HNRNPR: variants seen among roughly 807,000 people sequenced by gnomAD.
HNRNPR encodes heterogeneous nuclear ribonucleoprotein R.
HNRNPR carries 4 observed loss-of-function variants against 70.3 expected under a neutral mutation model. That is an observed-to-expected ratio of 0.06 (90% CI 0.03 to 0.13). HNRNPR has a LOEUF of 0.13. Among genes scored for constraint, HNRNPR ranks in the 10% least tolerant of loss-of-function variants. HNRNPR has a pLI of 1.00. For missense variants in HNRNPR, 423 were observed against 788.5 expected (o/e 0.54, Z 5.55); for synonymous variants, 241 against 267.6 (o/e 0.90, Z 0.97).
intron 2 of HNRNPR, 44 bp from the exon 3 acceptor site, chr1:23,338,652 G>A: frequency 3.3e-6 from 3 of 908,716 alleles, no homozygotes; most frequent in East Asian, 2.6e-5. Flanking sequence ...CAACAAAAGG[G>A]GTAATCTAAG....
At chr1:23,330,822 ACT>A (rs1485519315) in intron 5 of HNRNPR, among the ~76,000 whole-genome samples, 1 of 152,172 alleles carries the variant, frequency 6.6e-6, no homozygotes, top group African/African-American at 2.4e-5. Flanking sequence ...TCAGGCACTG[ACT>A]CTAACTTCAA....
chr1:23,314,411 TAAGCA>T (rs1645453457), intron 8 of HNRNPR, among the ~76,000 whole-genome samples: 2 of 152,040 alleles, frequency 1.3e-5, no homozygotes, highest in Admixed American at 6.6e-5. Context: ...AAAAATACTA[TAAGCA>T]AAGACAATAA....
At chr1:23,336,767 CAAAAAAAAA>C (rs34880516) in intron 4 of HNRNPR, among the ~76,000 whole-genome samples, 1 of 59,602 alleles carries the variant, frequency 1.7e-5, no homozygotes, top group African/African-American at 4.6e-5. Context: ...GACTCTGTCT[CAAAAAAAAA>C]AAAAAAAAAG....
At chr1:23,317,347 AC>A (rs1645584606) in intron 8 of HNRNPR, among the ~76,000 whole-genome samples, 1 of 152,112 alleles carries the variant, frequency 6.6e-6, no homozygotes, top group Non-Finnish European at 1.5e-5. Flanking sequence ...AGTCCCAGCT[AC>A]TTGGGAGGCT....
Position 23,308,310 on chromosome 1 carries a change from T to C in HNRNPR, c.*2144A>G, listed in dbSNP as rs1261403863. 15 of 152,200 alleles carry C rather than the reference T, an allele frequency of 9.9e-5. No individual in the cohort carries two copies. Among genetic ancestry groups the C allele is most frequent in the African/African-American group, 3.4e-4 (14 of 41,566 alleles). 9.4% of individuals were successfully genotyped at this position (152,200 alleles called of 1,614,324 possible). ...TTTGCGAGGGTTTGTTTTCTCAGAA[T>C]CATTTCTATCCCCATTCTTAGCATT... On this transcript the variant is annotated 3_prime_UTR_variant, in exon 11 of 11. Transcript: ENST00000302271.
chr1:23,327,995 C>CAAAAAAAAAAAAA (rs11345105), intron 5 of HNRNPR, among the ~76,000 whole-genome samples: 9 of 118,676 alleles, frequency 7.6e-5, no homozygotes, highest in Non-Finnish European at 1.4e-4. Flanking sequence ...GACTCTGTCT[C>CAAAAAAAAAAAAA]AAAAAAAAAA....
chr1:23,335,342 CAG>C (rs1646426489), intron 4 of HNRNPR, among the ~76,000 whole-genome samples: 1 of 152,234 alleles, frequency 6.6e-6, no homozygotes, highest in South Asian at 2.1e-4. Flanking sequence ...TTGACTGAAA[CAG>C]AGCCATAAAT....
Position 23,340,996 on chromosome 1 carries a change from C to T in HNRNPR, c.13G>A (p.Val5Met). The T allele has an allele frequency of 1.2e-6, 2 of 1,604,436 alleles. No individual in the cohort carries two copies. The highest frequency in any genetic ancestry group is 1.7e-6 in the Non-Finnish European group (2 of 1,177,124). The change falls in exon 2 of 11, where the codon GTG becomes ATG. Residue 5 changes from valine to methionine, a missense_variant. Physicochemically the swap from Val to Met is conservative, Grantham distance 21. Coordinates refer to ENST00000302271, the MANE Select transcript of HNRNPR (RefSeq NM_005826.5). The stretch of plus-strand genomic sequence containing the variant: ...TTTAACTGTACCGCATTACCATTCA[C>T]CTGATTAGCCATTTTATTATGCTGC... Reference protein sequence around the residue: MANQVNGNAVQLKEE... With the variant: MANQMNGNAVQLKEE...
At position 23,317,400 on chromosome 1, in the gene HNRNPR, G is replaced by A. The variant is rs928305220; in HGVS notation, c.1017+1083C>T. Among the ~76,000 whole-genome samples the A allele has an allele frequency of 2.6e-5, 4 of 152,142 alleles. No individual in the cohort carries two copies. The East Asian group carries it at 5.8e-4, about 22-fold the overall frequency. Reference sequence around the variant, plus strand: ...GTGAACCCAGGAGGCAGAGCTTGCCGTGAGTGGAGATCGCGCCACTGCACT... The same window carrying A: ...GTGAACCCAGGAGGCAGAGCTTGCCATGAGTGGAGATCGCGCCACTGCACT... On this transcript the variant is annotated intron_variant, in intron 8 of 10. Transcript: ENST00000302271.
rs1645209773 is a variant in HNRNPR at position 23,306,833 on chromosome 1, A to T, written c.*3621T>A. 6.6e-6 allele frequency: 1 copy of T among 152,200 alleles called. No individual in the cohort carries two copies. Among genetic ancestry groups the T allele is most frequent in the Admixed American group, 6.5e-5 (1 of 15,282 alleles). 9.4% of individuals were successfully genotyped at this position (152,200 alleles called of 1,614,324 possible). A position where few individuals can be genotyped will look rare whatever the true frequency, so the allele number is the denominator to read the frequency against. On this transcript the variant is annotated 3_prime_UTR_variant, in exon 11 of 11. Transcript: ENST00000302271. ...ACAAACTTCTAATATAAAAGTAAACATGTCTGGCTAATGGATTTGTTATTC... is the reference window on the plus strand; with the variant it reads ...ACAAACTTCTAATATAAAAGTAAACTTGTCTGGCTAATGGATTTGTTATTC...
rs1359175917 is a variant in HNRNPR at position 23,312,482 on chromosome 1, T to TACCAGTA, written c.1167+1070_1167+1071insTACTGGT. On this transcript the variant is annotated intron_variant, in intron 9 of 10. Transcript: ENST00000302271. Reference sequence around the variant, plus strand: ...AAAATTATTAGTTATCTGCATTCTATACCAGTGAAATTTCAGAAGCCACAA... The same window carrying TACCAGTA: ...AAAATTATTAGTTATCTGCATTCTATACCAGTAACCAGTGAAATTTCAGAAGCCACAA... 7.2e-5 allele frequency among the ~76,000 whole-genome samples: 11 copies of TACCAGTA among 152,192 alleles called. No homozygotes were observed. In the East Asian group the frequency reaches 2.1e-3, roughly 29 times the overall value.
At chr1:23,315,398 T>C (rs985977986) in intron 8 of HNRNPR, among the ~76,000 whole-genome samples, 2 of 152,082 alleles carry the variant, frequency 1.3e-5, no homozygotes, top group Admixed American at 6.5e-5. Flanking sequence ...CATAGTTTAG[T>C]TGGCAGTGTT....
intron 5 of HNRNPR, among the ~76,000 whole-genome samples, chr1:23,326,927 T>G (rs1053901142): frequency 6.6e-6 from 1 of 152,226 alleles, no homozygotes; most frequent in Non-Finnish European, 1.5e-5. Context: ...TCTTTATACC[T>G]TGAAATCTAT....
intron 2 of HNRNPR, among the ~76,000 whole-genome samples, chr1:23,339,280 G>A (rs185334478): frequency 4.9e-4 from 75 of 152,330 alleles, no homozygotes; most frequent in African/African-American, 1.7e-3. Flanking sequence ...GGCATTCTTT[G>A]TTCTTCTGAA....
Position 23,310,406 on chromosome 1 carries a change from C to T in HNRNPR, c.*48G>A. The T allele has an allele frequency of 6.6e-7, 1 of 1,509,220 alleles. No individual in the cohort carries two copies. Among genetic ancestry groups the T allele is most frequent in the South Asian group, 1.4e-5 (1 of 73,824 alleles). The allele number at this position is 1,509,220 out of a possible 1,614,324, so 93.5% of individuals were successfully genotyped here. On this transcript the variant is annotated 3_prime_UTR_variant, in exon 11 of 11. Coordinates refer to ENST00000302271, the MANE Select transcript of HNRNPR (RefSeq NM_005826.5). This position sits in a 1 kb window ranked among gnomAD's most constrained non-coding sequence, Gnocchi z 6.0. ...ATTTTTTTTTTTGAAGAATGTAGAT[C>T]TAGAGCCAATCGTATCTTGCCAGTA... is the stretch of plus-strand genomic sequence containing the variant.
chr1:23,327,824 G>A (rs1646050851), intron 5 of HNRNPR, among the ~76,000 whole-genome samples: 1 of 151,788 alleles, frequency 6.6e-6, no homozygotes, highest in Non-Finnish European at 1.5e-5. Context: ...TTCCCTACAG[G>A]GGTAAATTTG....
intron 4 of HNRNPR, among the ~76,000 whole-genome samples, chr1:23,336,594 A>T (rs1452000883): frequency 6.7e-6 from 1 of 148,854 alleles, no homozygotes. Context: ...AAAAAAAAAA[A>T]AAAAAATTAG....
At chr1:23,331,623 G>A (rs1646227783) in intron 5 of HNRNPR, among the ~76,000 whole-genome samples, 1 of 151,582 alleles carries the variant, frequency 6.6e-6, no homozygotes, top group Non-Finnish European at 1.5e-5. Context: ...GGAGGCAGAG[G>A]TTGCAGTGAG....
At position 23,318,816 on chromosome 1, in the gene HNRNPR, T is replaced by A; in HGVS notation, c.812-128A>T. On this transcript the variant is annotated intron_variant, in intron 7 of 10. Transcript: ENST00000302271. The surrounding 1 kb of genome is among the most constrained non-coding windows in gnomAD (Gnocchi z 4.2). ...GCAGCCTCAACATGAGTCACTAATT[T>A]TGTAGACAATTAGATCAACATAATT... The A allele has an allele frequency of 1.3e-6, 1 of 742,764 alleles. No individual in the cohort carries two copies. Among genetic ancestry groups the A allele is most frequent in the Non-Finnish European group, 2.2e-6 (1 of 448,252 alleles). The allele number at this position is 742,764 out of a possible 1,614,324, so 46.0% of individuals were successfully genotyped here. A position where few individuals can be genotyped will look rare whatever the true frequency, so the allele number is the denominator to read the frequency against.
Sources: gnomAD v4.1 joint callset for allele counts (sites outside exome capture counted in the v4.1 genomes callset) on GRCh38, gnomAD v4.1.1 for gene constraint, Gnocchi (gnomAD v3.1) non-coding constraint, MANE v1.5 for transcripts, NCBI Gene and HGNC (gene_info 2026-07-23, HGNC 2026-07-21) for gene names.